ERI1: variants seen among roughly 807,000 people sequenced by gnomAD.
The protein encoded by ERI1 is 3'-5' exoribonuclease 1.
A neutral mutation model predicts 39.7 loss-of-function variants in ERI1; 39 were observed. The observed-to-expected ratio is 0.98, with a 90% CI of 0.76 to 1.28. The LOEUF (loss-of-function observed/expected upper bound fraction) is 1.28. Among genes scored for constraint, ERI1 ranks in the 50% most tolerant of loss-of-function variants. The pLI, the probability that ERI1 is intolerant of heterozygous loss-of-function variation, is 0.00. For synonymous variants in ERI1, 204 were observed against 149.6 expected, an observed-to-expected ratio of 1.36 and a Z score of -2.65; for missense variants, 581 against 416.9, an observed-to-expected ratio of 1.39 and a Z score of -3.43.
chr8:9,095,660 A>C (rs566656662), intron 3 of ERI1, among the ~76,000 whole-genome samples: 11 of 152,190 alleles, frequency 7.2e-5, no homozygotes, highest in African/African-American at 2.6e-4. Context: ...AGCTGGGACT[A>C]CAGGCACATG....
intron 3 of ERI1, among the ~76,000 whole-genome samples, chr8:9,042,150 G>C (rs567066724): frequency 1.1e-3 from 163 of 152,314 alleles, no homozygotes; most frequent in African/African-American, 3.7e-3. Context: ...TAAGCATTAG[G>C]AATTCCTCAA....
chr8:9,015,229 G>T (rs986602664), intron 3 of ERI1, among the ~76,000 whole-genome samples: 1 of 152,114 alleles, frequency 6.6e-6, no homozygotes, highest in Non-Finnish European at 1.5e-5. Context: ...TAGGTAGAAA[G>T]AATTTATTCT....
chr8:9,023,274 T>C (rs1818110960), intron 6 of ERI1, among the ~76,000 whole-genome samples: 1 of 152,208 alleles, frequency 6.6e-6, no homozygotes, highest in Admixed American at 6.5e-5. Context: ...TGTAATCATA[T>C]CCTGGAATGT....
At chr8:9,063,300 C>G (rs1175987659) in intron 3 of ERI1, among the ~76,000 whole-genome samples, 1 of 152,148 alleles carries the variant, frequency 6.6e-6, no homozygotes, top group Non-Finnish European at 1.5e-5. Flanking sequence ...AGCCTAAACA[C>G]TAACTGATTT....
At chr8:9,014,745 C>G (rs1043329038) in intron 3 of ERI1, among the ~76,000 whole-genome samples, 3 of 152,190 alleles carry the variant, frequency 2.0e-5, no homozygotes, top group African/African-American at 7.2e-5. Context: ...AGGATATAGA[C>G]TTAATTTATC....
At chr8:9,036,352 TTCA>T (rs1384281726), downstream of ERI1, among the ~76,000 whole-genome samples, 2 of 152,214 alleles carry the variant, frequency 1.3e-5, no homozygotes, top group Non-Finnish European at 2.9e-5. Flanking sequence ...CACTCCAATC[TTCA>T]TCACCTACCA....
intron 6 of ERI1, among the ~76,000 whole-genome samples, chr8:9,022,531 C>G (rs1323488254): frequency 6.6e-6 from 1 of 152,128 alleles, no homozygotes; most frequent in Non-Finnish European, 1.5e-5. Flanking sequence ...TCCCGAGTAG[C>G]TGGGACTACG....
intron 3 of ERI1, among the ~76,000 whole-genome samples, chr8:9,071,298 T>G (rs1563371915): frequency 6.6e-6 from 1 of 152,228 alleles, no homozygotes; most frequent in Non-Finnish European, 1.5e-5. Context: ...CTTCAGTGTT[T>G]GATAAATACT....
rs1390787255 is a variant in ERI1, at chr8:9,004,401, A to AT, written c.108+1230_108+1231insT. 8 of 581,500 alleles carry AT rather than the reference A, an allele frequency of 1.4e-5. No homozygotes were observed. In the African/African-American group the frequency reaches 1.6e-4, roughly 12 times the overall value. 36.0% of individuals were successfully genotyped at this position (581,500 alleles called of 1,614,324 possible). On this transcript the variant is annotated intron_variant, in intron 1 of 6. Coordinates refer to ENST00000250263, the MANE Select transcript of ERI1 (RefSeq NM_153332.4). ...AGTCTTGACACTTTTACAGCTACTT[A>AT]AGGCCTAGGTCTCTGTTCCAAATTG...
intron 3 of ERI1, among the ~76,000 whole-genome samples, chr8:9,046,964 G>A (rs1055779680): frequency 1.3e-5 from 2 of 152,156 alleles, no homozygotes; most frequent in African/African-American, 4.8e-5. Flanking sequence ...GGCTGGCAGA[G>A]GTCTGTGAAC....
chr8:9,067,430 T>C (rs1414118799), intron 3 of ERI1, among the ~76,000 whole-genome samples: 1 of 148,166 alleles, frequency 6.7e-6, no homozygotes, highest in South Asian at 2.1e-4. Context: ...GCAATATCAA[T>C]AGTAGAAGGG....
At chr8:9,094,172 T>C (rs1438008595) in intron 3 of ERI1, among the ~76,000 whole-genome samples, 4 of 152,206 alleles carry the variant, frequency 2.6e-5, no homozygotes, top group African/African-American at 9.7e-5. Flanking sequence ...TTGAGGACAA[T>C]TGAAACATTA....
intron 2 of ERI1, among the ~76,000 whole-genome samples, chr8:9,010,305 C>G (rs1816526542): frequency 6.6e-6 from 1 of 152,230 alleles, no homozygotes; most frequent in Non-Finnish European, 1.5e-5. Context: ...TCCCACCCCA[C>G]AACAATAACA....
At chr8:9,074,966 G>A (rs970685701) in intron 3 of ERI1, among the ~76,000 whole-genome samples, 2 of 152,116 alleles carry the variant, frequency 1.3e-5, no homozygotes, top group Admixed American at 1.3e-4. Flanking sequence ...TGACACAGAA[G>A]AGCGCCGGGC....
intron 3 of ERI1, among the ~76,000 whole-genome samples, chr8:9,041,053 C>T (rs1798002655): frequency 1.3e-5 from 2 of 152,184 alleles, no homozygotes; most frequent in Admixed American, 6.5e-5. Context: ...GGCACTTGCT[C>T]CGCTGAGTGT....
At chr8:9,005,687 T>C (rs1421138187) in intron 1 of ERI1, among the ~76,000 whole-genome samples, 1 of 152,070 alleles carries the variant, frequency 6.6e-6, no homozygotes, top group East Asian at 1.9e-4. Context: ...TTTGTATTTT[T>C]AGTAGAGACG....
At chr8:9,099,356 C>A (rs903511300) in intron 3 of ERI1, among the ~76,000 whole-genome samples, 3 of 151,988 alleles carry the variant, frequency 2.0e-5, no homozygotes, top group African/African-American at 7.2e-5. Context: ...AATCCCAGCA[C>A]TTAGGGAGCC....
chr8:9,013,525 GTTCTCTGCTTACATCCTC>G (rs1172962872), intron 3 of ERI1, among the ~76,000 whole-genome samples: 6 of 151,790 alleles, frequency 4.0e-5, no homozygotes, highest in African/African-American at 7.3e-5. Flanking sequence ...CCTAGCCCCC[GTTCTCTGCTTACATCCTC>G]TTCTCTGCTT....
Position 9,029,907 on chromosome 8 carries a change from G to T in ERI1, c.923G>T (p.Arg308Leu), listed in dbSNP as rs749327249. The T allele has an allele frequency of 1.9e-6, 3 of 1,614,010 alleles. No homozygotes were observed. The highest frequency in any genetic ancestry group is 2.5e-6 in the Non-Finnish European group (3 of 1,180,032). ...DSKNIARIAV[R>L]MLQDGCELRI... The stretch of plus-strand genomic sequence containing the variant: ...AAGAATATCGCCCGAATAGCAGTTC[G>T]AATGCTTCAGGATGGGTGTGAACTC... Residue 308 changes from arginine (R) to leucine (L), a missense_variant, in exon 7 of 7, where the codon CGA (arginine) becomes CTA (leucine). Arg to Leu is a moderately radical substitution (Grantham distance 102). Transcript: ENST00000250263.
Sources: gnomAD v4.1 joint callset for allele counts (sites outside exome capture counted in the v4.1 genomes callset) on GRCh38, gnomAD v4.1.1 for gene constraint, MANE v1.5 for transcripts, NCBI Gene and HGNC (gene_info 2026-07-23, HGNC 2026-07-21) for gene names.